The following STAC2 variants were observed in gnomAD, a reference collection of about 807,000 sequenced individuals.
The protein encoded by STAC2 is SH3 and cysteine-rich domain-containing protein 2.
Under a neutral mutation model 49.0 loss-of-function variants are expected in STAC2, and 36 were observed. That is an observed-to-expected ratio of 0.74 (90% CI 0.56 to 0.97). The LOEUF (loss-of-function observed/expected upper bound fraction) is 0.97. Among genes scored for constraint, STAC2 ranks in the 50% least tolerant of loss-of-function variants. The pLI is 0.00. For synonymous variants in STAC2, 239 were observed against 214.7 expected, an observed-to-expected ratio of 1.11 and a Z score of -0.99; for missense variants, 527 against 543.8, an observed-to-expected ratio of 0.97 and a Z score of 0.31.
At chr17:39,223,759 G>C (rs1179813540) in intron 1 of STAC2, among the ~76,000 whole-genome samples, 1 of 152,220 alleles carries the variant, frequency 6.6e-6, no homozygotes, top group Non-Finnish European at 1.5e-5. Context: ...GGCAAGCAGG[G>C]GGACTGTGTA....
chr17:39,217,274 A>C, intron 2 of STAC2, 101 bp from the exon 3 acceptor site: 175 of 1,178,384 alleles, frequency 1.5e-4, no homozygotes, highest in Non-Finnish European at 2.0e-4. Flanking sequence ...GGGCATTCTC[A>C]TGCCAGCCTT....
In STAC2 at chr17:39,219,914, G is replaced by T. The variant is rs114445202; in HGVS notation, c.91-1741C>A. On this transcript the variant is annotated intron_variant, in intron 1 of 10. Coordinates refer to ENST00000333461, the MANE Select transcript of STAC2 (RefSeq NM_198993.5). Reference sequence around the variant, plus strand: ...CCAGCTGGCACGCTGGGTAGCCTACGTGCCATGGCTGCCTGCCTGGCCACC... The same window carrying T: ...CCAGCTGGCACGCTGGGTAGCCTACTTGCCATGGCTGCCTGCCTGGCCACC... 3.3e-5 allele frequency among the ~76,000 whole-genome samples: 5 copies of T among 152,334 alleles called. No individual in the cohort carries two copies. In the East Asian group the frequency reaches 9.7e-4, roughly 29 times the overall value.
At chr17:39,214,910 A>C in intron 6 of STAC2, 41 bp downstream of exon 6, 1 of 1,613,818 alleles carries the variant, frequency 6.2e-7, no homozygotes. Context: ...AGCACCCTCC[A>C]TTGTACCCCA....
intron 1 of STAC2, among the ~76,000 whole-genome samples, chr17:39,222,422 G>T (rs2046471950): frequency 6.6e-6 from 1 of 152,226 alleles, no homozygotes; most frequent in Admixed American, 6.5e-5. Context: ...TGCCACCTGG[G>T]GTGGCTGGCA....
rs772754213 is a variant in STAC2, at chr17:39,218,096, C to T, written c.168G>A (p.Ser56=). 29 of 1,612,924 alleles carry T rather than the reference C, an allele frequency of 1.8e-5. No homozygotes were observed. The highest frequency in any genetic ancestry group is 1.5e-4 in the South Asian group (14 of 91,066). Residue 56 remains serine, a synonymous_variant, in exon 2 of 11, where the codon TCG becomes TCA. Coordinates refer to ENST00000333461, the MANE Select transcript of STAC2 (RefSeq NM_198993.5). ...SKSLENFFLR[S]GSELKCPTEV... is the part of the protein sequence containing the mutation. ...CGGTGGGGCACTTGAGCTCAGAGCCCGAGCGAAGGAAGAAGTTCTCCAAGC... is the reference window on the plus strand; with the variant it reads ...CGGTGGGGCACTTGAGCTCAGAGCCTGAGCGAAGGAAGAAGTTCTCCAAGC...
intron 1 of STAC2, among the ~76,000 whole-genome samples, chr17:39,222,901 G>A (rs2046475903): frequency 6.6e-6 from 1 of 152,180 alleles, no homozygotes; most frequent in Non-Finnish European, 1.5e-5. Context: ...GCAGTGGGTG[G>A]TGGCAGACGT....
chr17:39,225,450 C>A lies in STAC2; in HGVS notation c.53G>T (p.Ser18Ile), dbSNP rs746279331. 4 of 1,609,388 alleles carry A rather than the reference C, an allele frequency of 2.5e-6. No homozygotes were observed. Among genetic ancestry groups the A allele is most frequent in the African/African-American group, 2.7e-5 (2 of 74,186 alleles). ...GAGGGCGGAGACGGTCCCTGGGGGG[C>A]TGTGGGTGGCCGCGTCATCCGGTTC... is the stretch of plus-strand genomic sequence containing the variant. ...ENEPDDAATHSPPGTVSALQE... is the reference protein window; with the variant it reads ...ENEPDDAATHIPPGTVSALQE... Residue 18 changes from serine (S) to isoleucine (I), a missense_variant, in exon 1 of 11, where the codon AGC becomes ATC. Ser to Ile is a moderately radical substitution (Grantham distance 142). Transcript: ENST00000333461. This position sits in a 1 kb window ranked among gnomAD's most constrained non-coding sequence, Gnocchi z 8.2.
intron 4 of STAC2, 126 bp downstream of exon 4, chr17:39,216,684 C>A (rs1188332509): frequency 1.1e-6 from 1 of 870,378 alleles, no homozygotes; most frequent in East Asian, 2.7e-5. Flanking sequence ...CTCACTGCAA[C>A]CTCCGCCTCC....
intron 9 of STAC2, 74 bp from the exon 10 acceptor site, chr17:39,213,206 C>T (rs1040988402): frequency 1.8e-5 from 29 of 1,580,358 alleles, no homozygotes; most frequent in Admixed American, 5.1e-5. Context: ...TCTCCAGACC[C>T]GGTTCCCACT....
intron 1 of STAC2, among the ~76,000 whole-genome samples, chr17:39,220,662 C>T (rs1292367551): frequency 1.3e-5 from 2 of 151,780 alleles, no homozygotes; most frequent in South Asian, 2.1e-4. Flanking sequence ...TTAATAGAGG[C>T]GGGGTTTCAC....
chr17:39,214,959 C>T lies in STAC2; in HGVS notation c.764G>A (p.Gly255Asp), dbSNP rs764022488. Residue 255 changes from glycine to aspartate, a missense_variant, in exon 6 of 11, where the codon GGT (glycine) becomes GAT (aspartate). By Grantham distance (94) the Gly-to-Asp change is moderately conservative. Coordinates refer to ENST00000333461, the MANE Select transcript of STAC2 (RefSeq NM_198993.5). The stretch of plus-strand genomic sequence containing the variant: ...TGCCCACCACCACTCACCACTGTCA[C>T]CAGGCCCCTCCTCAGAGCTGCGGAT... ...GSIRSSEEGPGDSASPVFTAP... is the reference protein window; with the variant it reads ...GSIRSSEEGPDDSASPVFTAP... 27 of 1,614,114 alleles carry T rather than the reference C, an allele frequency of 1.7e-5. No individual in the cohort carries two copies. In the South Asian group the frequency reaches 2.9e-4, roughly 17 times the overall value.
rs778455676 is a variant in STAC2 at position 39,213,115 on chromosome 17, C to T, written c.1011G>A (p.Arg337=). 6.2e-7 allele frequency: 1 copy of T among 1,609,548 alleles called. No individual in the cohort carries two copies. Among genetic ancestry groups the T allele is most frequent in the Non-Finnish European group, 8.5e-7 (1 of 1,179,996 alleles). Residue 337 remains arginine (R), a synonymous_variant, in exon 10 of 11, where the codon CGG becomes CGA. Coordinates refer to ENST00000333461, the MANE Select transcript of STAC2 (RefSeq NM_198993.5). ...EDWWKGKIGD[R]VGFFPANFVQ... is the part of the protein sequence containing the mutation. Reference sequence around the variant, plus strand: ...CAAAATTAGCTGGGAAGAAGCCAACCCGGTCGCCGATCTTGCCCTGGGGAT... The same window carrying T: ...CAAAATTAGCTGGGAAGAAGCCAACTCGGTCGCCGATCTTGCCCTGGGGAT...
chr17:39,215,291 G>T, intron 4 of STAC2, 61 bp from the exon 5 acceptor site: 3 of 1,558,530 alleles, frequency 1.9e-6, no homozygotes, highest in Non-Finnish European at 2.6e-6. Flanking sequence ...TCTAGTCCCG[G>T]CTCAGCATGC....
In STAC2 at chr17:39,216,846, G is replaced by T. The variant is rs1193130949; in HGVS notation, c.550C>A (p.Pro184Thr). The change falls in exon 4 of 11, where the codon CCA (proline) becomes ACA (threonine). Residue 184 changes from proline (P) to threonine (T), a missense_variant. Coordinates refer to ENST00000333461, the MANE Select transcript of STAC2 (RefSeq NM_198993.5). ...SSPLLVHEPP[P>T]VCATSKESPP... Reference sequence around the variant, plus strand: ...GACTCTTTGCTTGTGGCACAGACTGGTGGCGGCTCATGCACCAGGAGAGGG... The same window carrying T: ...GACTCTTTGCTTGTGGCACAGACTGTTGGCGGCTCATGCACCAGGAGAGGG... 2 of 1,602,818 alleles carry T rather than the reference G, an allele frequency of 1.2e-6. No homozygotes were observed. The highest frequency in any genetic ancestry group is 1.7e-5 in the Admixed American group (1 of 58,166).
intron 4 of STAC2, among the ~76,000 whole-genome samples, chr17:39,216,079 C>G (rs2046399406): frequency 6.6e-6 from 1 of 152,146 alleles, no homozygotes; most frequent in South Asian, 2.1e-4. Flanking sequence ...ATGGATGAAC[C>G]CCTCATGCCT....
rs2144223714 is a variant in STAC2 at position 39,211,298 on chromosome 17, T to TC, written c.*993_*994insG. On this transcript the variant is annotated 3_prime_UTR_variant, in exon 11 of 11. Transcript: ENST00000333461. ...TTCCTTTTCTTTCTTTCTTTTTTTT[T>TC]TTTTGAGACGGAGTCTCGCTCTGTT... 1 of 152,468 alleles carries TC rather than the reference T, an allele frequency of 6.6e-6. No homozygotes were observed. Among genetic ancestry groups the TC allele is most frequent in the East Asian group, 1.9e-4 (1 of 5,310 alleles). The allele number at this position is 152,468 out of a possible 1,614,324, so 9.4% of individuals were successfully genotyped here.
At chr17:39,222,877 G>C (rs944200043) in intron 1 of STAC2, among the ~76,000 whole-genome samples, 2 of 152,184 alleles carry the variant, frequency 1.3e-5, no homozygotes, top group Non-Finnish European at 2.9e-5. Flanking sequence ...TCCTGAAAGG[G>C]CATGAGGCAT....
chr17:39,216,952 A>T, intron 3 of STAC2, 52 bp from the exon 4 acceptor site: 1 of 1,581,082 alleles, frequency 6.3e-7, no homozygotes, highest in Non-Finnish European at 8.6e-7. Context: ...CCTATGGAGA[A>T]CTTGGTCCTT....
At chr17:39,215,534 A>C (rs1287302942) in intron 4 of STAC2, among the ~76,000 whole-genome samples, 2 of 150,328 alleles carry the variant, frequency 1.3e-5, no homozygotes, top group Non-Finnish European at 3.0e-5. Context: ...ACATCACCAC[A>C]CTCTCTTGGC....
Sources: allele counts gnomAD v4.1 joint callset (sites outside exome capture counted in the v4.1 genomes callset), GRCh38; gene constraint gnomAD v4.1.1; non-coding constraint Gnocchi (gnomAD v3.1); transcripts MANE v1.5; gene names NCBI Gene and HGNC (gene_info 2026-07-23, HGNC 2026-07-21).